COL24A1: variants seen among roughly 807,000 people sequenced by gnomAD.
The protein encoded by COL24A1 is collagen type XXIV alpha 1 chain, also known as collagen alpha-1(XXIV) chain.
In COL24A1, 224 loss-of-function variants were observed where a neutral mutation model predicts 253.9. The ratio of observed to expected loss-of-function variants is 0.88; its 90% CI spans 0.79 to 0.99. COL24A1 has a LOEUF of 0.99. Among genes scored for constraint, COL24A1 ranks in the 50% least tolerant of loss-of-function variants. The pLI is 0.00. For synonymous variants in COL24A1, 685 were observed against 673.7 expected, an observed-to-expected ratio of 1.02 and a Z score of -0.26; for missense variants, 2,131 against 2,068.5, an observed-to-expected ratio of 1.03 and a Z score of -0.59.
intron 57 of COL24A1, 111 bp from the exon 58 acceptor site, chr1:85,737,616 T>C: frequency 1.4e-6 from 1 of 701,340 alleles, no homozygotes; most frequent in Non-Finnish European, 2.3e-6. Context: ...CAGGCTGGAG[T>C]GCAGCGGTGC....
intron 52 of COL24A1, among the ~76,000 whole-genome samples, chr1:85,777,338 T>C (rs116237213): frequency 1.0e-3 from 153 of 152,248 alleles, no homozygotes; most frequent in Middle Eastern, 6.8e-3. Flanking sequence ...GGTATGTATG[T>C]TTTCATACCT....
intron 33 of COL24A1, 125 bp from the exon 34 acceptor site, chr1:85,875,455 C>A: frequency 2.9e-6 from 2 of 682,066 alleles, no homozygotes; most frequent in Non-Finnish European, 5.2e-6. Flanking sequence ...CCTTTATAAA[C>A]TTCATAGCAT....
intron 31 of COL24A1, 116 bp downstream of exon 31, chr1:85,895,742 G>A: frequency 1.2e-6 from 1 of 802,858 alleles, no homozygotes; most frequent in Admixed American, 2.7e-5. Flanking sequence ...ATTGTATACT[G>A]CAAATATATA....
chr1:85,852,099 T>G lies in COL24A1; in HGVS notation c.3301-2693A>C, dbSNP rs1011035615. 1.3e-5 allele frequency among the ~76,000 whole-genome samples: 2 copies of G among 152,184 alleles called. 1 individual carries two copies. The highest frequency in any genetic ancestry group is 2.9e-5 in the Non-Finnish European group (2 of 68,024). ...TTGGAATGTAATTTTGCGGGGTGTG[T>G]GTTTGTGTGTGTGCGCGCACGTGCG... On this transcript the variant is annotated intron_variant, in intron 37 of 59. Transcript: ENST00000370571.
chr1:86,012,452 G>C (rs1269305742), intron 19 of COL24A1, among the ~76,000 whole-genome samples: 1 of 152,126 alleles, frequency 6.6e-6, no homozygotes, highest in Non-Finnish European at 1.5e-5. Context: ...AGCCTGGTGT[G>C]GTGGCATGCG....
chr1:86,003,771 C>T (rs1429156798), intron 19 of COL24A1, among the ~76,000 whole-genome samples: 1 of 138,526 alleles, frequency 7.2e-6, no homozygotes, highest in African/African-American at 2.7e-5. Context: ...TGGTCAGGGG[C>T]CTGGGAGGAA....
intron 53 of COL24A1, among the ~76,000 whole-genome samples, chr1:85,763,374 C>T (rs1320958213): frequency 6.6e-5 from 10 of 151,778 alleles, no homozygotes; most frequent in South Asian, 2.1e-4. Flanking sequence ...ACCAAGATCA[C>T]GCCACTGCAC....
At chr1:86,006,544 A>G (rs1018116934) in intron 19 of COL24A1, among the ~76,000 whole-genome samples, 2 of 152,220 alleles carry the variant, frequency 1.3e-5, no homozygotes, top group African/African-American at 4.8e-5. Context: ...TGTAAAATGC[A>G]ATATTATAAA....
chr1:85,847,583 C>T, intron 39 of COL24A1, 82 bp downstream of exon 39: 1 of 927,580 alleles, frequency 1.1e-6, no homozygotes, highest in East Asian at 2.4e-5. Flanking sequence ...TAAAGCTAAT[C>T]AAGGGATGAA....
chr1:85,936,160 A>G (rs77586538), intron 24 of COL24A1, among the ~76,000 whole-genome samples: 11 of 69,386 alleles, frequency 1.6e-4, no homozygotes, highest in Middle Eastern at 8.8e-3. Context: ...GGTCTTGGTT[A>G]GAAAAAAAAA....
intron 47 of COL24A1, among the ~76,000 whole-genome samples, chr1:85,802,061 C>T (rs555014612): frequency 7.2e-5 from 11 of 152,310 alleles, no homozygotes; most frequent in African/African-American, 2.6e-4. Context: ...CTAGTTCAAA[C>T]CGTGAACACC....
At chr1:86,001,085 T>G (rs1310199340) in intron 19 of COL24A1, among the ~76,000 whole-genome samples, 1 of 151,316 alleles carries the variant, frequency 6.6e-6, no homozygotes, top group Non-Finnish European at 1.5e-5. Flanking sequence ...TGTTTTATCT[T>G]GGAACACCTC....
At position 86,101,619 on chromosome 1, in the gene COL24A1, G is replaced by A. The variant is rs1292526729; in HGVS notation, c.1600-9299C>T. Among the ~76,000 whole-genome samples the A allele has an allele frequency of 7.9e-5, 12 of 152,148 alleles. No homozygotes were observed. The East Asian group carries it at 2.1e-3, about 27-fold the overall frequency. On this transcript the variant is annotated intron_variant, in intron 5 of 59. Transcript: ENST00000370571. ...GAAGGGGTGTTGAATTTTATCAAAA[G>A]CCTTTTCTGCATCTATTGAGATAAT...
intron 20 of COL24A1, among the ~76,000 whole-genome samples, chr1:85,983,252 C>T (rs1483669601): frequency 6.6e-6 from 1 of 151,960 alleles, no homozygotes; most frequent in African/African-American, 2.4e-5. Flanking sequence ...ATTTGCTACT[C>T]TTACCTTCTG....
intron 24 of COL24A1, among the ~76,000 whole-genome samples, chr1:85,925,993 C>G (rs1201198002): frequency 1.3e-5 from 2 of 152,034 alleles, no homozygotes; most frequent in Admixed American, 1.3e-4. Context: ...AACAAACAAC[C>G]CCATCAACAA....
chr1:85,754,549 T>A (rs28853293), intron 55 of COL24A1, among the ~76,000 whole-genome samples: 431 of 26,108 alleles, frequency 0.017, no homozygotes, highest in Middle Eastern at 0.12. Context: ...AAAAAAAAAA[T>A]TAAAAAAAAA....
chr1:85,849,686 C>G (rs1677538925), intron 37 of COL24A1, among the ~76,000 whole-genome samples: 1 of 152,032 alleles, frequency 6.6e-6, no homozygotes, highest in African/African-American at 2.4e-5. Context: ...TTCAGTATAC[C>G]CATTTTAATT....
At chr1:85,783,678 T>G (rs994223857) in intron 50 of COL24A1, 120 bp from the exon 51 acceptor site, 1 of 869,142 alleles carries the variant, frequency 1.2e-6, no homozygotes, top group African/African-American at 1.7e-5. Context: ...CTGTTGTGCA[T>G]GCTGAAGAAT....
intron 47 of COL24A1, among the ~76,000 whole-genome samples, chr1:85,797,167 T>C (rs2101735260): frequency 7.9e-6 from 1 of 127,382 alleles, no homozygotes; most frequent in African/African-American, 3.1e-5. Context: ...AGATCGCAAC[T>C]ACTGCACTCC....
Sources: gnomAD v4.1 joint callset for allele counts (sites outside exome capture counted in the v4.1 genomes callset) on GRCh38, gnomAD v4.1.1 for gene constraint, MANE v1.5 for transcripts, NCBI Gene and HGNC (gene_info 2026-07-23, HGNC 2026-07-21) for gene names.